Variants in VEPH1 observed in about 807,000 individuals in gnomAD.
VEPH1 encodes ventricular zone expressed PH domain containing 1.
A neutral mutation model predicts 85.2 loss-of-function variants in VEPH1; 80 were observed. The ratio of observed to expected loss-of-function variants is 0.94; its 90% CI spans 0.78 to 1.13. The LOEUF is 1.13. Ranked by LOEUF, VEPH1 falls within the 50% of genes most tolerant of loss-of-function variation. The pLI, the probability that VEPH1 is intolerant of heterozygous loss-of-function variation, is 0.00. For synonymous variants in VEPH1, 297 were observed against 348.0 expected (o/e 0.85, Z 1.63); for missense variants, 955 against 980.5 (o/e 0.97, Z 0.35).
chr3:157,324,621 T>C (rs1721699935), intron 9 of VEPH1, among the ~76,000 whole-genome samples: 1 of 152,048 alleles, frequency 6.6e-6, no homozygotes, highest in Non-Finnish European at 1.5e-5. Context: ...TTGCTGAGGG[T>C]AATGGCCTCC....
At chr3:157,438,682 A>T (rs187601797) in intron 4 of VEPH1, among the ~76,000 whole-genome samples, 1 of 152,332 alleles carries the variant, frequency 6.6e-6, no homozygotes, top group East Asian at 1.9e-4. Context: ...TTCAAACCAC[A>T]GGCAACTTCT....
At chr3:157,405,678 CT>C (rs1157003990) in intron 6 of VEPH1, among the ~76,000 whole-genome samples, 1 of 152,190 alleles carries the variant, frequency 6.6e-6, no homozygotes, top group South Asian at 2.1e-4. Flanking sequence ...TCCTATTCCC[CT>C]GACATAACCC....
At chr3:157,382,108 A>G (rs1408749161) in intron 6 of VEPH1, among the ~76,000 whole-genome samples, 1 of 152,150 alleles carries the variant, frequency 6.6e-6, no homozygotes, top group Non-Finnish European at 1.5e-5. Flanking sequence ...ATATTCCACT[A>G]GTGTGCTAGG....
In VEPH1 at chr3:157,301,557, G is replaced by A. The variant is rs111372704; in HGVS notation, c.2010+12064C>T. 2.3e-3 allele frequency among the ~76,000 whole-genome samples: 346 copies of A among 152,058 alleles called. 1 individual carries two copies. Among genetic ancestry groups the A allele is most frequent in the Non-Finnish European group, 4.1e-3 (276 of 67,970 alleles). ...ATATGCTATGTTTCCTTCTTTACTC[G>A]TTCCTTCTTGTTCCTCCACCTACTT... On this transcript the variant is annotated intron_variant, in intron 11 of 13. Coordinates refer to ENST00000362010, the MANE Select transcript of VEPH1 (RefSeq NM_001167912.2).
At chr3:157,463,756 G>A (rs1213406458) in intron 3 of VEPH1, among the ~76,000 whole-genome samples, 1 of 152,164 alleles carries the variant, frequency 6.6e-6, no homozygotes, top group Non-Finnish European at 1.5e-5. Flanking sequence ...CCAGTGAGAG[G>A]CTTTCATAGG....
intron 9 of VEPH1, among the ~76,000 whole-genome samples, chr3:157,328,236 A>T (rs1722141229): frequency 6.6e-6 from 1 of 152,212 alleles, no homozygotes; most frequent in African/African-American, 2.4e-5. Flanking sequence ...TAATTCATGT[A>T]AGGCTCTCAG....
At chr3:157,450,048 CTTTTT>C (rs761761440) in intron 4 of VEPH1, among the ~76,000 whole-genome samples, 2,394 of 77,336 alleles carry the variant, frequency 0.031, 43 homozygotes, top group African/African-American at 0.076. Context: ...AGAATATTTA[CTTTTT>C]TTTTTTTTTT....
chr3:157,432,450 G>A (rs1385113993), intron 4 of VEPH1, among the ~76,000 whole-genome samples: 1 of 151,896 alleles, frequency 6.6e-6, no homozygotes, highest in Non-Finnish European at 1.5e-5. Context: ...CTTTCTTGTA[G>A]TTGTCTTCAA....
At chr3:157,426,159 G>A (rs1374043651) in intron 5 of VEPH1, among the ~76,000 whole-genome samples, 1 of 152,148 alleles carries the variant, frequency 6.6e-6, no homozygotes, top group Admixed American at 6.5e-5. Context: ...ATCTTTATCA[G>A]CAGCATGAAA....
intron 7 of VEPH1, among the ~76,000 whole-genome samples, chr3:157,373,137 G>A (rs1727701445): frequency 6.6e-6 from 1 of 152,140 alleles, no homozygotes; most frequent in African/African-American, 2.4e-5. Flanking sequence ...GGAAACTGAG[G>A]CACACTTAAG....
intron 2 of VEPH1, among the ~76,000 whole-genome samples, chr3:157,485,003 T>C (rs1235540493): frequency 6.6e-6 from 1 of 152,208 alleles, no homozygotes; most frequent in Non-Finnish European, 1.5e-5. Context: ...AGGTGATCTT[T>C]TACCAATATC....
chr3:157,452,152 T>C (rs991905288), intron 4 of VEPH1, among the ~76,000 whole-genome samples: 3 of 152,162 alleles, frequency 2.0e-5, no homozygotes, highest in Non-Finnish European at 4.4e-5. Context: ...AAATCCATTT[T>C]AGTCCTCATA....
intron 12 of VEPH1, among the ~76,000 whole-genome samples, chr3:157,279,311 C>T (rs558088455): frequency 2.0e-5 from 3 of 152,080 alleles, no homozygotes; most frequent in Non-Finnish European, 4.4e-5. Flanking sequence ...AATTGGTTTA[C>T]GGAATGGAAT....
chr3:157,499,440 T>A (rs994718574), intron 1 of VEPH1: 2 of 152,122 alleles, frequency 1.3e-5, no homozygotes, highest in African/African-American at 4.8e-5. Context: ...CTCAGCTGCA[T>A]GGTTTGAGAC....
chr3:157,293,722 G>A lies in VEPH1; in HGVS notation c.2011-7048C>T, dbSNP rs150503021. 4.4e-4 allele frequency among the ~76,000 whole-genome samples: 67 copies of A among 152,314 alleles called. 2 individuals carry two copies. The highest frequency in any genetic ancestry group is 1.4e-3 in the African/African-American group (58 of 41,568). ...TGAAAAATTTAATGGAAGTGTATGA[G>A]TTGAGTAGAAAATAAAGGTGGCAAA... On this transcript the variant is annotated intron_variant, in intron 11 of 13. Transcript: ENST00000362010.
rs545584033 is a variant in VEPH1 at position 157,392,438 on chromosome 3, C to T, written c.907-11062G>A. 3.8e-4 allele frequency among the ~76,000 whole-genome samples: 58 copies of T among 152,196 alleles called. 1 individual carries two copies. Among genetic ancestry groups the T allele is most frequent in the African/African-American group, 1.3e-3 (54 of 41,526 alleles). The stretch of plus-strand genomic sequence containing the variant: ...CCCCCATGATTCAATTACCTCCCAC[C>T]GGGTCCCTCCCACCACATGTGGGAA... On this transcript the variant is annotated intron_variant, in intron 6 of 13. Coordinates refer to ENST00000362010, the MANE Select transcript of VEPH1 (RefSeq NM_001167912.2).
chr3:157,276,298 T>G (rs576467379), intron 12 of VEPH1, among the ~76,000 whole-genome samples: 27 of 152,242 alleles, frequency 1.8e-4, no homozygotes, highest in Admixed American at 3.3e-4. Context: ...AATACGGTGT[T>G]GTAAGCATTT....
chr3:157,485,453 T>C (rs4611770), intron 2 of VEPH1, among the ~76,000 whole-genome samples: 48,530 of 151,974 alleles, frequency 0.32, 7,895 homozygotes, highest in East Asian at 0.4. Context: ...TGATGAAATA[T>C]CATCAGTATG....
At chr3:157,351,457 G>T (rs201777377) in intron 9 of VEPH1, among the ~76,000 whole-genome samples, 1 of 151,970 alleles carries the variant, frequency 6.6e-6, no homozygotes, top group South Asian at 2.1e-4. Context: ...GCCTCCCAAA[G>T]TGCTGGGATT....
Sources: allele counts gnomAD v4.1 joint callset (sites outside exome capture counted in the v4.1 genomes callset), GRCh38; gene constraint gnomAD v4.1.1; transcripts MANE v1.5; gene names NCBI Gene and HGNC (gene_info 2026-07-23, HGNC 2026-07-21).